STAC: variants seen among roughly 807,000 people sequenced by gnomAD.
STAC encodes the protein SH3 and cysteine-rich domain-containing protein.
In STAC, 43 loss-of-function variants were observed where a neutral mutation model predicts 48.8. The ratio of observed to expected loss-of-function variants is 0.88; its 90% CI spans 0.69 to 1.14. STAC has a LOEUF of 1.14. STAC is among the 50% of genes most tolerant of loss of function. The probability of loss-of-function intolerance (pLI) is 0.00; values close to 1 mark genes in which losing one functional copy is unlikely to be tolerated. For synonymous variants in STAC, 193 were observed against 179.5 expected (o/e 1.07, Z -0.60); for missense variants, 497 against 504.0 (o/e 0.99, Z 0.13).
At chr3:36,512,326 G>A (rs1411174463) in intron 8 of STAC, among the ~76,000 whole-genome samples, 1 of 152,126 alleles carries the variant, frequency 6.6e-6, no homozygotes, top group Non-Finnish European at 1.5e-5. Context: ...ATTCCTCGCT[G>A]GGATGAAGCC....
chr3:36,493,172 C>G lies in STAC; in HGVS notation c.709C>G (p.Pro237Ala). 6.2e-7 allele frequency: 1 copy of G among 1,613,410 alleles called. No individual in the cohort carries two copies. The highest frequency in any genetic ancestry group is 1.7e-4 in the Middle Eastern group (1 of 6,054). The change falls in exon 6 of 11, where the codon CCT (proline) becomes GCT (alanine). Residue 237 changes from proline (P) to alanine (A), a missense_variant. By Grantham distance (27) the Pro-to-Ala change is conservative. Coordinates refer to ENST00000273183, the MANE Select transcript of STAC (RefSeq NM_003149.3). ...RTSTSDLVEV[P>A]EEANGPGGGY... ...CAAGACTTCAGATCTTGTGGAGGTT[C>G]CTGAGGAAGCCAATGGGCCAGGAGG...
At chr3:36,491,694 A>G (rs868544782) in intron 5 of STAC, among the ~76,000 whole-genome samples, 2 of 152,136 alleles carry the variant, frequency 1.3e-5, no homozygotes, top group South Asian at 4.2e-4. Context: ...CCTCTCCGAT[A>G]AGATGTAAAT....
At chr3:36,534,600 C>A (rs1359298349) in intron 10 of STAC, among the ~76,000 whole-genome samples, 1 of 149,964 alleles carries the variant, frequency 6.7e-6, no homozygotes, top group Non-Finnish European at 1.5e-5. Flanking sequence ...TTGCAGAGCT[C>A]TTGTTTCCAA....
In STAC at chr3:36,443,902, G is replaced by A. The variant is rs967998097; in HGVS notation, c.388+262G>A. On this transcript the variant is annotated intron_variant, in intron 2 of 10. Coordinates refer to ENST00000273183, the MANE Select transcript of STAC (RefSeq NM_003149.3). The surrounding 1 kb of genome is among the most constrained non-coding windows in gnomAD (Gnocchi z 4.2). ...CTGTAGATCCCTAAAGCCCTTTAGC[G>A]TGTTCTTGCATTGAGGCTCGAGGTC... Among the ~76,000 whole-genome samples, 5 of 152,172 alleles carry A rather than the reference G, an allele frequency of 3.3e-5. No individual in the cohort carries two copies. The highest frequency in any genetic ancestry group is 4.4e-5 in the Non-Finnish European group (3 of 68,038).
At chr3:36,530,594 T>TTTTTTTTTTTTTTTTTTTTC (rs1699041238) in intron 10 of STAC, among the ~76,000 whole-genome samples, 1 of 54,406 alleles carries the variant, frequency 1.8e-5, no homozygotes, top group Non-Finnish European at 3.6e-5. Context: ...TTTTTTTTTC[T>TTTTTTTTTTTTTTTTTTTTC]TTTTTTTTTT....
chr3:36,521,924 T>C (rs1559524033), intron 8 of STAC, among the ~76,000 whole-genome samples: 1 of 151,890 alleles, frequency 6.6e-6, no homozygotes, highest in African/African-American at 2.4e-5. Flanking sequence ...TGAGATCCTA[T>C]AAAAAATTTT....
At chr3:36,546,064 A>G (rs1472685376) in intron 10 of STAC, 127 bp from the exon 11 acceptor site, 1 of 725,146 alleles carries the variant, frequency 1.4e-6, no homozygotes, top group Non-Finnish European at 2.3e-6. Flanking sequence ...TTCCCACCCT[A>G]AAACTGCTCT....
intron 3 of STAC, 144 bp from the exon 4 acceptor site, chr3:36,484,833 T>C (rs1697758153): frequency 1.9e-6 from 1 of 538,252 alleles, no homozygotes; most frequent in Non-Finnish European, 3.2e-6. Flanking sequence ...GATTAAATTG[T>C]GGAATTATAG....
At position 36,483,001 on chromosome 3, in the gene STAC, C is replaced by T. The variant is rs530025225; in HGVS notation, c.398C>T (p.Ala133Val). Residue 133 changes from alanine to valine, a missense_variant, in exon 3 of 11, where the codon GCT becomes GTT. Coordinates refer to ENST00000273183, the MANE Select transcript of STAC (RefSeq NM_003149.3). ...VCNHMIVGTN[A>V]KHGLRCKACK... ...GCCATGTACCTGACAGGAACAAATG[C>T]TAAGCATGGACTGCGCTGCAAAGCC... is the stretch of plus-strand genomic sequence containing the variant. 2 of 1,613,828 alleles carry T rather than the reference C, an allele frequency of 1.2e-6. No homozygotes were observed. The highest frequency in any genetic ancestry group is 2.2e-5 in the South Asian group (2 of 91,076).
At chr3:36,529,300 T>A (rs554251630) in intron 10 of STAC, 8 of 176,594 alleles carry the variant, frequency 4.5e-5, no homozygotes, top group Middle Eastern at 2.6e-3. Context: ...GGGCTCTGAG[T>A]TAGCGTCCAA....
intron 2 of STAC, among the ~76,000 whole-genome samples, chr3:36,454,048 C>T (rs1010076119): frequency 4.6e-5 from 7 of 152,114 alleles, no homozygotes; most frequent in Non-Finnish European, 8.8e-5. Context: ...AGCGCCCTGT[C>T]AAAACAGACC....
At chr3:36,514,244 G>A (rs1332807627) in intron 8 of STAC, among the ~76,000 whole-genome samples, 2 of 86,182 alleles carry the variant, frequency 2.3e-5, no homozygotes, top group Non-Finnish European at 4.2e-5. Context: ...TTCACAAAAG[G>A]ACCACACCGC....
intron 1 of STAC, among the ~76,000 whole-genome samples, chr3:36,391,421 T>C (rs1204470308): frequency 1.3e-5 from 2 of 152,220 alleles, no homozygotes; most frequent in Middle Eastern, 3.2e-3. Context: ...TAAATCTGCA[T>C]CCAACCCAGA....
intron 8 of STAC, among the ~76,000 whole-genome samples, chr3:36,509,514 T>C (rs990066958): frequency 2.0e-5 from 3 of 152,190 alleles, no homozygotes; most frequent in Non-Finnish European, 4.4e-5. Flanking sequence ...CTTTGTTCCA[T>C]TCTCCCCATC....
intron 1 of STAC, among the ~76,000 whole-genome samples, chr3:36,394,932 A>G (rs546836031): frequency 6.6e-6 from 1 of 152,022 alleles, no homozygotes; most frequent in Non-Finnish European, 1.5e-5. Context: ...AAAATCAACA[A>G]GAGTTCCTAT....
chr3:36,395,698 A>G (rs1223285891), intron 1 of STAC, among the ~76,000 whole-genome samples: 1 of 152,206 alleles, frequency 6.6e-6, no homozygotes, highest in Non-Finnish European at 1.5e-5. Context: ...AGGTACAAAC[A>G]AAGTCATCAA....
At chr3:36,432,040 T>C (rs1421026929) in intron 1 of STAC, among the ~76,000 whole-genome samples, 3 of 152,368 alleles carry the variant, frequency 2.0e-5, no homozygotes, top group South Asian at 2.1e-4. Context: ...CTGAAGGTGA[T>C]AACAATCATC....
chr3:36,468,990 A>G (rs954402252), intron 2 of STAC, among the ~76,000 whole-genome samples: 23 of 152,014 alleles, frequency 1.5e-4, no homozygotes, highest in Admixed American at 1.4e-3. Context: ...CTTATGTATT[A>G]GCTGAGTCTC....
chr3:36,433,997 A>C (rs980909381), intron 1 of STAC, among the ~76,000 whole-genome samples: 1 of 152,244 alleles, frequency 6.6e-6, no homozygotes, highest in Non-Finnish European at 1.5e-5. Flanking sequence ...AAAGAAATCA[A>C]GCTGTGAGTG....
Sources: gnomAD v4.1 joint callset for allele counts (sites outside exome capture counted in the v4.1 genomes callset) on GRCh38, gnomAD v4.1.1 for gene constraint, Gnocchi (gnomAD v3.1) non-coding constraint, MANE v1.5 for transcripts, NCBI Gene and HGNC (gene_info 2026-07-23, HGNC 2026-07-21) for gene names.